Variants in PTPRD observed in about 807,000 individuals in gnomAD.
PTPRD encodes protein tyrosine phosphatase receptor type D.
A neutral mutation model predicts 214.5 loss-of-function variants in PTPRD; 34 were observed. That is an observed-to-expected ratio of 0.16 (90% CI 0.12 to 0.21). The LOEUF is 0.21. PTPRD is among the 10% of genes least tolerant of loss of function. The probability of loss-of-function intolerance (pLI) is 1.00; values close to 1 mark genes in which losing one functional copy is unlikely to be tolerated. For synonymous variants in PTPRD, 1,128 were observed against 845.7 expected, an observed-to-expected ratio of 1.33 and a Z score of -5.79; for missense variants, 2,545 against 2,398.7, an observed-to-expected ratio of 1.06 and a Z score of -1.27.
chr9:8,804,887 C>G (rs2096644850), intron 11 of PTPRD, among the ~76,000 whole-genome samples: 1 of 152,154 alleles, frequency 6.6e-6, no homozygotes, highest in African/African-American at 2.4e-5. Context: ...GATGTTTTAA[C>G]ACCTCCCAGA....
At chr9:9,699,010 A>T (rs2097437384) in intron 7 of PTPRD, among the ~76,000 whole-genome samples, 1 of 152,098 alleles carries the variant, frequency 6.6e-6, no homozygotes, top group Non-Finnish European at 1.5e-5. Context: ...CTTTGGCATG[A>T]CTTTCTCTCT....
chr9:9,902,006 T>C (rs1464312504), intron 5 of PTPRD, among the ~76,000 whole-genome samples: 3 of 152,232 alleles, frequency 2.0e-5, no homozygotes, highest in African/African-American at 7.2e-5. Flanking sequence ...ACAGTTAGTA[T>C]CATATGAACT....
chr9:10,082,988 A>G (rs556823382), intron 3 of PTPRD, among the ~76,000 whole-genome samples: 2 of 152,142 alleles, frequency 1.3e-5, no homozygotes, highest in South Asian at 4.1e-4. Context: ...CAAAGACTCA[A>G]AAGTCAACAT....
chr9:8,405,695 G>A (rs1030033085), intron 35 of PTPRD, among the ~76,000 whole-genome samples: 1 of 151,970 alleles, frequency 6.6e-6, no homozygotes, highest in Non-Finnish European at 1.5e-5. Flanking sequence ...GATTTTAAAC[G>A]ATCAAAATCA....
chr9:9,455,361 T>A (rs1242574392), intron 8 of PTPRD, among the ~76,000 whole-genome samples: 1 of 151,536 alleles, frequency 6.6e-6, no homozygotes, highest in African/African-American at 2.4e-5. Context: ...CATACAGTGA[T>A]AATTATGTCT....
intron 14 of PTPRD, among the ~76,000 whole-genome samples, chr9:8,606,105 A>T (rs2095195010): frequency 6.6e-6 from 1 of 152,172 alleles, no homozygotes; most frequent in East Asian, 1.9e-4. Context: ...AATTGTGGAC[A>T]AAATCTCTCT....
intron 7 of PTPRD, among the ~76,000 whole-genome samples, chr9:9,689,437 A>G (rs2097223552): frequency 6.6e-6 from 1 of 151,952 alleles, no homozygotes; most frequent in Admixed American, 6.6e-5. Context: ...ATGCATTTAT[A>G]TAACATGTAA....
chr9:9,956,674 G>T lies in PTPRD; in HGVS notation c.-471-18064C>A, dbSNP rs906374614. ...TAGGACATATGTGAATGAGACAAGG[G>T]AATGGCCCATACATGAATGAGACAA... On this transcript the variant is annotated intron_variant, in intron 4 of 45. Transcript: ENST00000381196. Among the ~76,000 whole-genome samples, 10 of 152,132 alleles carry T rather than the reference G, an allele frequency of 6.6e-5. No individual in the cohort carries two copies. The South Asian group carries it at 2.1e-3, about 32-fold the overall frequency.
chr9:9,111,829 T>C (rs2099806523), intron 10 of PTPRD, among the ~76,000 whole-genome samples: 1 of 152,128 alleles, frequency 6.6e-6, no homozygotes, highest in Non-Finnish European at 1.5e-5. Context: ...TATAGAAGAA[T>C]TTACTTCCTT....
At chr9:8,342,812 G>A (rs543853385) in intron 39 of PTPRD, among the ~76,000 whole-genome samples, 12 of 152,124 alleles carry the variant, frequency 7.9e-5, no homozygotes, top group South Asian at 6.2e-4. Context: ...AGAGTGTATC[G>A]AAGGGACATA....
At position 8,340,990 on chromosome 9, in the gene PTPRD, G is replaced by C; in HGVS notation, c.5126+100C>G. 1.3e-5 allele frequency: 16 copies of C among 1,249,664 alleles called. 1 individual carries two copies. The South Asian group carries it at 1.4e-4, about 11-fold the overall frequency. 77.4% of individuals were successfully genotyped at this position (1,249,664 alleles called of 1,614,324 possible). ...GACTAAATGATGACCTATGCAGAAA[G>C]AAAATGTCTTTGAATGGAGATGAAA... is the stretch of plus-strand genomic sequence containing the variant. On this transcript the variant is annotated intron_variant, in intron 41 of 45. Transcript: ENST00000381196.
At chr9:8,977,862 T>C (rs1249983762) in intron 11 of PTPRD, among the ~76,000 whole-genome samples, 1 of 151,986 alleles carries the variant, frequency 6.6e-6, no homozygotes, top group East Asian at 1.9e-4. Context: ...GAAAATGTAA[T>C]GGAAAAACGT....
intron 3 of PTPRD, among the ~76,000 whole-genome samples, chr9:10,293,668 G>C (rs1285268317): frequency 6.6e-6 from 1 of 151,870 alleles, no homozygotes; most frequent in Non-Finnish European, 1.5e-5. Flanking sequence ...GATGGCAAAA[G>C]CTTAAATTAT....
intron 3 of PTPRD, among the ~76,000 whole-genome samples, chr9:10,220,199 T>C (rs2099562902): frequency 6.6e-6 from 1 of 151,862 alleles, no homozygotes; most frequent in Non-Finnish European, 1.5e-5. Context: ...TAAATTGCAG[T>C]ATAACACAAA....
intron 2 of PTPRD, among the ~76,000 whole-genome samples, chr9:10,503,349 T>C (rs2044561662): frequency 6.6e-6 from 1 of 151,916 alleles, no homozygotes; most frequent in East Asian, 1.9e-4. Context: ...TTTAAGATTA[T>C]AAGTTAGAGT....
chr9:9,057,404 G>A (rs1415478147), intron 10 of PTPRD, among the ~76,000 whole-genome samples: 3 of 152,058 alleles, frequency 2.0e-5, no homozygotes, highest in Non-Finnish European at 4.4e-5. Flanking sequence ...AATGTAAAAT[G>A]TATTATGAAC....
At chr9:9,837,541 T>A (rs760203895) in intron 5 of PTPRD, among the ~76,000 whole-genome samples, 3 of 152,132 alleles carry the variant, frequency 2.0e-5, no homozygotes, top group Non-Finnish European at 4.4e-5. Flanking sequence ...GGGTATGTTT[T>A]AGGTTTAAGC....
At chr9:10,601,904 A>G (rs945709553) in intron 2 of PTPRD, among the ~76,000 whole-genome samples, 1 of 151,798 alleles carries the variant, frequency 6.6e-6, no homozygotes, top group African/African-American at 2.4e-5. Context: ...TTTCTTAACA[A>G]GTAATCAGAA....
chr9:10,521,957 C>T (rs1431212705), intron 2 of PTPRD, among the ~76,000 whole-genome samples: 1 of 152,138 alleles, frequency 6.6e-6, no homozygotes. Context: ...AACCTGCACT[C>T]TCTCTGAGGT....
Sources: gnomAD v4.1 joint callset for allele counts (sites outside exome capture counted in the v4.1 genomes callset) on GRCh38, gnomAD v4.1.1 for gene constraint, MANE v1.5 for transcripts, NCBI Gene and HGNC (gene_info 2026-07-23, HGNC 2026-07-21) for gene names.